PTPN3: variants seen among roughly 807,000 people sequenced by gnomAD.
PTPN3 encodes the protein protein tyrosine phosphatase non-receptor type 3.
Under a neutral mutation model 132.7 loss-of-function variants are expected in PTPN3, and 96 were observed. The ratio of observed to expected loss-of-function variants is 0.72; its 90% CI spans 0.61 to 0.86. The LOEUF (loss-of-function observed/expected upper bound fraction) is 0.86. PTPN3 is among the 40% of genes least tolerant of loss of function. The pLI is 0.00. For synonymous variants in PTPN3, 398 were observed against 429.0 expected (o/e 0.93, Z 0.89); for missense variants, 1,125 against 1,159.6 (o/e 0.97, Z 0.43).
chr9:109,381,920 G>T, intron 24 of PTPN3, 133 bp from the exon 25 acceptor site: 1 of 1,067,252 alleles, frequency 9.4e-7, no homozygotes, highest in Non-Finnish European at 1.4e-6. Context: ...GCACACTCAC[G>T]GCGTGCTCTC....
Position 109,381,720 on chromosome 9 carries a change from G to A in PTPN3, c.2596C>T (p.Leu866=). The part of the protein sequence containing the change: ...ETAMCLTERN[L]PIYPLDIVRK... Reference sequence around the variant, plus strand: ...ACAATATCCAGTGGGTAAATGGGCAGGTTCCTCTCAGTTAGGCACATGGCT... The same window carrying A: ...ACAATATCCAGTGGGTAAATGGGCAAGTTCCTCTCAGTTAGGCACATGGCT... The change falls in exon 25 of 26, where the codon CTG becomes TTG. Residue 866 remains leucine, a synonymous_variant. Coordinates refer to ENST00000374541, the MANE Select transcript of PTPN3 (RefSeq NM_002829.4). 3.7e-6 allele frequency: 6 copies of A among 1,614,174 alleles called. No individual in the cohort carries two copies. Among genetic ancestry groups the A allele is most frequent in the Non-Finnish European group, 5.1e-6 (6 of 1,179,984 alleles).
At chr9:109,463,218 T>C (rs1845933661) in intron 2 of PTPN3, 79 bp downstream of exon 2, 4 of 1,351,796 alleles carry the variant, frequency 3.0e-6, no homozygotes, top group Non-Finnish European at 4.0e-6. Flanking sequence ...TTTTTCTTCA[T>C]TTTGTGAGCC....
chr9:109,428,565 C>A, intron 11 of PTPN3, 56 bp downstream of exon 11: 1 of 1,566,760 alleles, frequency 6.4e-7, no homozygotes, highest in South Asian at 1.1e-5. Context: ...GACCCTGTCT[C>A]TAACCACACA....
chr9:109,454,690 T>C (rs1253084813), intron 4 of PTPN3, 116 bp from the exon 5 acceptor site: 5 of 744,474 alleles, frequency 6.7e-6, no homozygotes, highest in East Asian at 5.1e-5. Flanking sequence ...TTTTCCATTA[T>C]AAAAGGGCTA....
intron 2 of PTPN3, among the ~76,000 whole-genome samples, chr9:109,462,750 A>G (rs554132386): frequency 6.6e-6 from 1 of 152,146 alleles, no homozygotes; most frequent in East Asian, 2.0e-4. Context: ...AAGCCCTGCC[A>G]TCTGTGAGGC....
chr9:109,411,639 C>G (rs1276941661), intron 14 of PTPN3, among the ~76,000 whole-genome samples: 1 of 152,206 alleles, frequency 6.6e-6, no homozygotes, highest in Non-Finnish European at 1.5e-5. Flanking sequence ...CAGTGAAACC[C>G]AGACAAAAGA....
chr9:109,477,332 TG>T (rs542259211), intron 1 of PTPN3, among the ~76,000 whole-genome samples: 9 of 152,346 alleles, frequency 5.9e-5, no homozygotes, highest in Middle Eastern at 3.4e-3. Context: ...AAAACCTTCT[TG>T]CCCCCTAATT....
At chr9:109,450,867 T>TAACA (rs971707418) in intron 5 of PTPN3, 1 of 985,312 alleles carries the variant, frequency 1.0e-6, no homozygotes, top group African/African-American at 1.7e-5. Flanking sequence ...CCTAGATCCT[T>TAACA]AACAAACAAA....
chr9:109,476,928 G>A (rs1050223616), intron 1 of PTPN3, among the ~76,000 whole-genome samples: 2 of 152,138 alleles, frequency 1.3e-5, no homozygotes, highest in African/African-American at 2.4e-5. Flanking sequence ...GGGCTTCAGC[G>A]ATTTCCAAGT....
In PTPN3 at chr9:109,389,261, A is replaced by G; in HGVS notation, c.2225T>C (p.Met742Thr). ...CCCTCGTTCTGTGAGAGTCGTCAAC[A>G]TGACAATGAGTGACAACTTCTGATC... ...VWDQKLSLIV[M>T]LTTLTERGRT... Residue 742 changes from methionine (M) to threonine (T), a missense_variant, in exon 22 of 26, where the codon ATG (methionine) becomes ACG (threonine). Physicochemically the swap from Met to Thr is moderately conservative, Grantham distance 81. Coordinates refer to ENST00000374541, the MANE Select transcript of PTPN3 (RefSeq NM_002829.4). The G allele has an allele frequency of 6.2e-7, 1 of 1,614,234 alleles. No homozygotes were observed. Among genetic ancestry groups the G allele is most frequent in the Non-Finnish European group, 8.5e-7 (1 of 1,180,044 alleles).
intron 2 of PTPN3, among the ~76,000 whole-genome samples, chr9:109,460,499 T>C (rs1845794884): frequency 1.3e-5 from 2 of 151,908 alleles, no homozygotes; most frequent in Admixed American, 1.3e-4. Flanking sequence ...CCCTTACCCC[T>C]GTTATCTCTC....
intron 14 of PTPN3, among the ~76,000 whole-genome samples, chr9:109,413,144 T>C (rs1588366998): frequency 1.3e-5 from 2 of 150,738 alleles, no homozygotes; most frequent in African/African-American, 4.9e-5. Context: ...TTAGTAGAGA[T>C]GGGGTTTCAC....
chr9:109,496,122 C>A (rs2132132616), intron 1 of PTPN3, among the ~76,000 whole-genome samples: 1 of 152,312 alleles, frequency 6.6e-6, no homozygotes, highest in East Asian at 1.9e-4. Context: ...TAGGAGATGG[C>A]AAATCACCAG....
chr9:109,427,249 G>A (rs891949647), intron 11 of PTPN3, 127 bp from the exon 12 acceptor site: 7 of 1,007,720 alleles, frequency 6.9e-6, no homozygotes, highest in South Asian at 3.2e-5. Context: ...TCAAAATGCC[G>A]TGGCCACAAA....
At chr9:109,429,009 A>G in intron 10 of PTPN3, 1 of 985,474 alleles carries the variant, frequency 1.0e-6, no homozygotes, top group Non-Finnish European at 1.2e-6. Context: ...TACATGGGGA[A>G]GACAGCTGAG....
Position 109,381,755 on chromosome 9 carries a change from G to A in PTPN3, c.2561C>T (p.Thr854Ile), listed in dbSNP as rs748523184. The A allele has an allele frequency of 6.2e-7, 1 of 1,614,244 alleles. No homozygotes were observed. Among genetic ancestry groups the A allele is most frequent in the Non-Finnish European group, 8.5e-7 (1 of 1,180,032 alleles). The change falls in exon 25 of 26, where the codon ACT (threonine) becomes ATT (isoleucine). Residue 854 changes from threonine to isoleucine, a missense_variant. By Grantham distance (89) the Thr-to-Ile change is moderately conservative. Coordinates refer to ENST00000374541, the MANE Select transcript of PTPN3 (RefSeq NM_002829.4). ...AGIGRTGVLV[T>I]METAMCLTER... ...AGTTAGGCACATGGCTGTTTCCATA[G>A]TGACCAACACACCGGTTCGACCTAT...
rs1188017444 is a variant in PTPN3, at chr9:109,420,545, T to A, written c.1192A>T (p.Asn398Tyr). 6.2e-7 allele frequency: 1 copy of A among 1,613,206 alleles called. No homozygotes were observed. Among genetic ancestry groups the A allele is most frequent in the East Asian group, 2.2e-5 (1 of 44,892 alleles). ...ATGTAGGTCATTTCATTTGCAAGGT[T>A]ATCTGCAGAAGAGTGGCGTGGCTTT... ...IRKPRHSSAD[N>Y]LANEMTYITE... The change falls in exon 14 of 26, where the codon AAC becomes TAC. Residue 398 changes from asparagine (N) to tyrosine (Y), a missense_variant. Physicochemically the swap from Asn to Tyr is moderately radical, Grantham distance 143. Transcript: ENST00000374541.
At chr9:109,405,374 AG>A (rs1334720554) in intron 18 of PTPN3, among the ~76,000 whole-genome samples, 1 of 152,190 alleles carries the variant, frequency 6.6e-6, no homozygotes, top group Non-Finnish European at 1.5e-5. Flanking sequence ...ATGGAGTGTC[AG>A]CCAAACGTGT....
chr9:109,496,552 G>A (rs1032872487), intron 1 of PTPN3, among the ~76,000 whole-genome samples: 1 of 152,184 alleles, frequency 6.6e-6, no homozygotes, highest in African/African-American at 2.4e-5. Context: ...AGTCTCACAA[G>A]GGAGTTGTAA....
Sources: gnomAD v4.1 joint callset for allele counts (sites outside exome capture counted in the v4.1 genomes callset) on GRCh38, gnomAD v4.1.1 for gene constraint, MANE v1.5 for transcripts, NCBI Gene and HGNC (gene_info 2026-07-23, HGNC 2026-07-21) for gene names.